The following TACC1 variants were observed in gnomAD, a reference collection of about 807,000 sequenced individuals.
TACC1 encodes transforming acidic coiled-coil containing protein 1.
A neutral mutation model predicts 84.4 loss-of-function variants in TACC1; 48 were observed. That is an observed-to-expected ratio of 0.57 (90% CI 0.45 to 0.72). TACC1 has a LOEUF of 0.72. Ranked by LOEUF, TACC1 falls within the 30% of genes least tolerant of loss-of-function variation. The pLI, the probability that TACC1 is intolerant of heterozygous loss-of-function variation, is 0.00. For missense variants in TACC1, 920 were observed against 973.0 expected (o/e 0.95, Z 0.72); for synonymous variants, 372 against 376.3 (o/e 0.99, Z 0.13).
intron 2 of TACC1, among the ~76,000 whole-genome samples, chr8:38,742,898 A>G (rs1807348279): frequency 6.6e-6 from 1 of 152,160 alleles, no homozygotes; most frequent in African/African-American, 2.4e-5. Flanking sequence ...TATTTTTACT[A>G]GAGACAGGGT....
At chr8:38,783,164 G>T (rs1816472382), upstream of TACC1, among the ~76,000 whole-genome samples, 1 of 150,000 alleles carries the variant, frequency 6.7e-6, no homozygotes, top group African/African-American at 2.4e-5. Flanking sequence ...AGCTGACACA[G>T]TGTAACTCTT....
intron 3 of TACC1, among the ~76,000 whole-genome samples, chr8:38,822,557 G>A (rs1447165019): frequency 6.6e-6 from 1 of 152,050 alleles, no homozygotes; most frequent in Non-Finnish European, 1.5e-5. Context: ...AATAGATTAA[G>A]TTTAGCTTAC....
intron 10 of TACC1, 106 bp downstream of exon 10, chr8:38,842,553 T>C: frequency 7.9e-7 from 1 of 1,261,780 alleles, no homozygotes; most frequent in Non-Finnish European, 1.1e-6. Flanking sequence ...TCCTTTTAAA[T>C]AGGAGCTCAG....
At chr8:38,738,740 A>C (rs1455138154) in intron 1 of TACC1, among the ~76,000 whole-genome samples, 3 of 151,854 alleles carry the variant, frequency 2.0e-5, no homozygotes, top group African/African-American at 4.8e-5. Context: ...CAAGTCCTAG[A>C]ATCAGCCATT....
Position 38,823,207 on chromosome 8 carries a change from C to G in TACC1, c.1392-2101C>G, listed in dbSNP as rs188324180. The stretch of plus-strand genomic sequence containing the variant: ...AGAGATATAGGAACCAGTTCCTCAG[C>G]AGCCCCGGAATGGCTAAGGGGAGTG... On this transcript the variant is annotated intron_variant, in intron 3 of 12. Transcript: ENST00000317827. Among the ~76,000 whole-genome samples, 16 of 152,352 alleles carry G rather than the reference C, an allele frequency of 1.1e-4. No individual in the cohort carries two copies. The East Asian group carries it at 3.1e-3, about 29-fold the overall frequency.
Position 38,838,501 on chromosome 8 carries a change from GGAA to G in TACC1, c.1878_1880del (p.Lys627del), listed in dbSNP as rs1420222474. The G allele has an allele frequency of 3.1e-6, 5 of 1,613,728 alleles. No individual in the cohort carries two copies. In the Admixed American group the frequency reaches 6.7e-5, roughly 22 times the overall value. On this transcript the variant is annotated inframe_deletion, in exon 8 of 13. Transcript: ENST00000317827. ...ACTAAAGAGATTGAAGCAAATGAAT[GGAA>G]GAAGAAATACGAAGAGACCCGGCAA... is the stretch of plus-strand genomic sequence containing the variant.
chr8:38,850,398 A>AT lies in TACC1; in HGVS notation c.*2379dup, dbSNP rs1219590105. The stretch of plus-strand genomic sequence containing the variant: ...GTTTATTTTTCTTTAAAAATAAAGG[A>AT]TTTTGGAACTCTGGAGAGTAAGAAT... On this transcript the variant is annotated 3_prime_UTR_variant, in exon 13 of 13. Transcript: ENST00000317827. 6.6e-6 allele frequency: 1 copy of AT among 152,210 alleles called. No homozygotes were observed. Among genetic ancestry groups the AT allele is most frequent in the Non-Finnish European group, 1.5e-5 (1 of 68,036 alleles). The allele number at this position is 152,210 out of a possible 1,614,324, so 9.4% of individuals were successfully genotyped here. A position where few individuals can be genotyped will look rare whatever the true frequency, so the allele number is the denominator to read the frequency against.
chr8:38,840,785 C>CAAGG (rs1324596631), intron 9 of TACC1, among the ~76,000 whole-genome samples: 7 of 152,162 alleles, frequency 4.6e-5, no homozygotes, highest in Admixed American at 3.9e-4. Context: ...CATGGTGTCT[C>CAAGG]ACGCCTGTAA....
intron 3 of TACC1, chr8:38,824,170 A>G: frequency 1.6e-6 from 1 of 619,178 alleles, no homozygotes; most frequent in East Asian, 5.5e-5. Flanking sequence ...CAGTCACTTC[A>G]TGAGTCAGCT....
intron 6 of TACC1, among the ~76,000 whole-genome samples, chr8:38,835,235 C>G (rs1053448300): frequency 6.9e-6 from 1 of 144,922 alleles, no homozygotes; most frequent in Non-Finnish European, 1.5e-5. Context: ...GCCTGGGCCA[C>G]AGAGTGAGAC....
chr8:38,730,992 G>A (rs913144858), intron 1 of TACC1, among the ~76,000 whole-genome samples: 1 of 150,820 alleles, frequency 6.6e-6, no homozygotes, highest in African/African-American at 2.5e-5. Context: ...TACAGTCCTA[G>A]TTCTAGCTCA....
At chr8:38,752,935 C>T (rs1364597701) in intron 3 of TACC1, among the ~76,000 whole-genome samples, 2 of 152,092 alleles carry the variant, frequency 1.3e-5, no homozygotes, top group African/African-American at 4.8e-5. Context: ...CAGACAACAG[C>T]AGGGTTGCCC....
chr8:38,821,867 AC>A (rs1038128118), intron 3 of TACC1, among the ~76,000 whole-genome samples: 10 of 152,218 alleles, frequency 6.6e-5, no homozygotes, highest in African/African-American at 2.4e-4. Context: ...CCTACTACAC[AC>A]CTAGGCTATA....
intron 2 of TACC1, among the ~76,000 whole-genome samples, chr8:38,744,477 T>C (rs1380155813): frequency 6.6e-6 from 1 of 152,218 alleles, no homozygotes; most frequent in East Asian, 1.9e-4. Flanking sequence ...TTAGGTGTCA[T>C]GGAGACTGGG....
Position 38,820,574 on chromosome 8 carries a change from A to G in TACC1, c.1330A>G (p.Thr444Ala), listed in dbSNP as rs1343771196. 2 of 1,613,704 alleles carry G rather than the reference A, an allele frequency of 1.2e-6. No individual in the cohort carries two copies. Among genetic ancestry groups the G allele is most frequent in the South Asian group, 1.1e-5 (1 of 91,088 alleles). The change falls in exon 3 of 13, where the codon ACT becomes GCT. Residue 444 changes from threonine to alanine, a missense_variant. Transcript: ENST00000317827. The part of the protein sequence containing the change: ...TLTSSDFCSP[T>A]GNHVNEILES... ...AACAAGCAGTGACTTTTGTTCTCCCACTGGTAATCACGTTAATGAAATCTT... is the reference window on the plus strand; with the variant it reads ...AACAAGCAGTGACTTTTGTTCTCCCGCTGGTAATCACGTTAATGAAATCTT...
In TACC1 at chr8:38,809,962, G is replaced by A. The variant is rs6474502; in HGVS notation, c.278-9560G>A. ...TTAGGAGTCCATGACAAAAAGAGTGGGAGAGAAATTATGTAACTGTAAAAA... is the reference window on the plus strand; with the variant it reads ...TTAGGAGTCCATGACAAAAAGAGTGAGAGAGAAATTATGTAACTGTAAAAA... On this transcript the variant is annotated intron_variant, in intron 2 of 12. Transcript: ENST00000317827. Among the ~76,000 whole-genome samples the A allele has an allele frequency of 8.9e-3, 1,361 of 152,210 alleles. 27 individuals are homozygous for A. Among genetic ancestry groups the A allele is most frequent in the African/African-American group, 0.031 (1,272 of 41,538 alleles).
intron 2 of TACC1, among the ~76,000 whole-genome samples, chr8:38,804,639 T>G (rs1423900660): frequency 2.0e-5 from 3 of 151,942 alleles, no homozygotes; most frequent in East Asian, 3.9e-4. Flanking sequence ...TTCTCACTCT[T>G]TTTCCCAGCC....
intron 3 of TACC1, among the ~76,000 whole-genome samples, chr8:38,754,869 A>T (rs990807005): frequency 6.6e-6 from 1 of 152,180 alleles, no homozygotes; most frequent in African/African-American, 2.4e-5. Context: ...CTGCTACATA[A>T]AAGAGAGATC....
At chr8:38,752,597 C>T (rs73611022) in intron 3 of TACC1, among the ~76,000 whole-genome samples, 1 of 152,124 alleles carries the variant, frequency 6.6e-6, no homozygotes, top group African/African-American at 2.4e-5. Context: ...AATTCTACCC[C>T]ACTTGGACTC....
Sources: gnomAD v4.1 joint callset for allele counts (sites outside exome capture counted in the v4.1 genomes callset) on GRCh38, gnomAD v4.1.1 for gene constraint, MANE v1.5 for transcripts, NCBI Gene and HGNC (gene_info 2026-07-23, HGNC 2026-07-21) for gene names.